TASP1: variants seen among roughly 807,000 people sequenced by gnomAD.
TASP1 encodes the protein taspase 1, also known as threonine aspartase 1.
TASP1 carries 16 observed loss-of-function variants against 56.6 expected under a neutral mutation model. That is an observed-to-expected ratio of 0.28 (90% CI 0.19 to 0.43). The LOEUF (loss-of-function observed/expected upper bound fraction) is 0.43, where lower values mean the gene tolerates loss of function less well. Ranked by LOEUF, TASP1 falls within the 20% of genes least tolerant of loss-of-function variation. TASP1 has a pLI of 1.00. For synonymous variants in TASP1, 179 were observed against 184.2 expected (o/e 0.97, Z 0.23); for missense variants, 393 against 511.6 (o/e 0.77, Z 2.24).
chr20:13,559,395 C>T (rs1193181358), intron 7 of TASP1, among the ~76,000 whole-genome samples: 1 of 152,098 alleles, frequency 6.6e-6, no homozygotes, highest in African/African-American at 2.4e-5. Context: ...CTCCAACTGT[C>T]GTTTTAAAGG....
At chr20:13,361,724 C>T in the TASP1 span, among the ~76,000 whole-genome samples, 18 of 152,146 alleles carry the variant, frequency 1.2e-4, 1 homozygote, top group South Asian at 1.9e-3. Context: ...TCTCAACTAC[C>T]CATACATGCC....
chr20:13,381,325 G>A, the TASP1 span, among the ~76,000 whole-genome samples: 1 of 152,300 alleles, frequency 6.6e-6, no homozygotes, highest in East Asian at 1.9e-4. Context: ...CTTGGCTAGG[G>A]AAGGGAGTTC....
chr20:13,279,843 G>C, the TASP1 span: 2 of 1,613,808 alleles, frequency 1.2e-6, no homozygotes, highest in African/African-American at 1.3e-5. Flanking sequence ...CCAGGGGGTG[G>C]GACCATACAG....
the TASP1 span, among the ~76,000 whole-genome samples, chr20:13,378,149 C>T: frequency 6.6e-6 from 1 of 152,138 alleles, no homozygotes; most frequent in Non-Finnish European, 1.5e-5. Flanking sequence ...TTCTCTAGTT[C>T]TTTTAATGGT....
At chr20:13,400,619 A>G (rs2041701434) in intron 13 of TASP1, among the ~76,000 whole-genome samples, 1 of 152,244 alleles carries the variant, frequency 6.6e-6, no homozygotes, top group African/African-American at 2.4e-5. Context: ...TGCAGCAGAC[A>G]GTGCAGTCCA....
the TASP1 span, among the ~76,000 whole-genome samples, chr20:13,338,012 A>G: frequency 1.3e-5 from 2 of 152,218 alleles, no homozygotes; most frequent in Non-Finnish European, 2.9e-5. Flanking sequence ...TCTTGTGCAA[A>G]GAAGAATTCG....
chr20:13,543,495 G>A (rs2146960520), intron 8 of TASP1, among the ~76,000 whole-genome samples: 1 of 152,324 alleles, frequency 6.6e-6, no homozygotes, highest in East Asian at 1.9e-4. Context: ...CAGCTACTCA[G>A]AAGGCTGAGG....
chr20:13,593,433 G>A (rs749297797), intron 4 of TASP1, among the ~76,000 whole-genome samples: 26 of 152,138 alleles, frequency 1.7e-4, no homozygotes, highest in South Asian at 4.1e-4. Flanking sequence ...ACAAGGGGTC[G>A]GAGGATTTCC....
At chr20:13,412,944 G>T (rs981592418) in intron 13 of TASP1, among the ~76,000 whole-genome samples, 3 of 152,188 alleles carry the variant, frequency 2.0e-5, no homozygotes, top group South Asian at 2.1e-4. Context: ...AAAGGCTTAA[G>T]GCAAGGTAAG....
At chr20:13,118,815 T>C in the TASP1 span, among the ~76,000 whole-genome samples, 1 of 152,202 alleles carries the variant, frequency 6.6e-6, no homozygotes, top group Non-Finnish European at 1.5e-5. Context: ...CAGAAAACAG[T>C]CCTCTCATTG....
the TASP1 span, among the ~76,000 whole-genome samples, chr20:13,182,116 C>T: frequency 6.6e-6 from 1 of 152,180 alleles, no homozygotes; most frequent in African/African-American, 2.4e-5. Flanking sequence ...CTCTTTGTGA[C>T]TTCTGTTAGG....
chr20:13,563,264 A>G (rs984619469), intron 7 of TASP1, among the ~76,000 whole-genome samples: 6 of 151,938 alleles, frequency 3.9e-5, no homozygotes, highest in Admixed American at 6.6e-5. Flanking sequence ...AAATTAACCA[A>G]TAACTAGTAA....
chr20:13,171,502 C>G, the TASP1 span, among the ~76,000 whole-genome samples: 9 of 152,000 alleles, frequency 5.9e-5, no homozygotes, highest in Non-Finnish European at 1.3e-4. Flanking sequence ...TTAAAGATTT[C>G]CTATATAGAT....
At chr20:13,256,742 G>T in the TASP1 span, among the ~76,000 whole-genome samples, 3 of 152,218 alleles carry the variant, frequency 2.0e-5, no homozygotes, top group African/African-American at 7.2e-5. Flanking sequence ...CCCCTAGTAA[G>T]TATGAGCCAG....
the TASP1 span, among the ~76,000 whole-genome samples, chr20:13,220,810 G>A: frequency 6.6e-6 from 1 of 152,184 alleles, no homozygotes; most frequent in Non-Finnish European, 1.5e-5. Flanking sequence ...CTTGTCCGGC[G>A]CCCCCTCCGT....
chr20:13,547,467 T>C (rs1243517506), intron 8 of TASP1, among the ~76,000 whole-genome samples: 2 of 152,078 alleles, frequency 1.3e-5, no homozygotes, highest in Non-Finnish European at 2.9e-5. Context: ...AAAAGAGAAA[T>C]ATATTTGGTG....
At chr20:13,378,203 G>A in the TASP1 span, among the ~76,000 whole-genome samples, 1 of 152,048 alleles carries the variant, frequency 6.6e-6, no homozygotes, top group African/African-American at 2.4e-5. Context: ...TTTTTCCTGT[G>A]GGCATTTAGT....
At chr20:13,364,282 A>G in the TASP1 span, among the ~76,000 whole-genome samples, 2 of 152,180 alleles carry the variant, frequency 1.3e-5, no homozygotes, top group African/African-American at 4.8e-5. Context: ...TTTGCATTAT[A>G]AAATGTTTGA....
chr20:13,472,288 A>G (rs981769131), intron 11 of TASP1, among the ~76,000 whole-genome samples: 4 of 151,140 alleles, frequency 2.6e-5, no homozygotes, highest in East Asian at 1.9e-4. Context: ...CTTATGTAGA[A>G]AGCTGAAACT....
Sources: allele counts gnomAD v4.1 joint callset (sites outside exome capture counted in the v4.1 genomes callset), GRCh38; gene constraint gnomAD v4.1.1; transcripts MANE v1.5; gene names NCBI Gene and HGNC (gene_info 2026-07-23, HGNC 2026-07-21).